ERP44: variants seen among roughly 807,000 people sequenced by gnomAD.
ERP44 encodes endoplasmic reticulum protein 44.
ERP44 carries 25 observed loss-of-function variants against 53.4 expected under a neutral mutation model. That is an observed-to-expected ratio of 0.47 (90% confidence interval 0.34 to 0.65). The LOEUF (loss-of-function observed/expected upper bound fraction) is 0.65. Among genes scored for constraint, ERP44 ranks in the 30% least tolerant of loss-of-function variants. The pLI, the probability that ERP44 is intolerant of heterozygous loss-of-function variation, is 0.01. For synonymous variants in ERP44, 145 were observed against 161.2 expected, an observed-to-expected ratio of 0.90 and a Z score of 0.76; for missense variants, 338 against 493.2, an observed-to-expected ratio of 0.69 and a Z score of 2.98.
At chr9:99,994,920 C>G (rs1830295121) in intron 10 of ERP44, among the ~76,000 whole-genome samples, 1 of 152,190 alleles carries the variant, frequency 6.6e-6, no homozygotes. Flanking sequence ...TGACTGGGAT[C>G]ACATTAAATT....
intron 5 of ERP44, 90 bp downstream of exon 5, chr9:100,021,952 T>G (rs1008194714): frequency 1.1e-5 from 13 of 1,160,750 alleles, no homozygotes; most frequent in Admixed American, 2.0e-5. Context: ...CAATAGACTA[T>G]AGGAGAATGT....
rs372700435 is a variant in ERP44, at chr9:100,065,999, C to T, written c.58-5827G>A. On this transcript the variant is annotated intron_variant, in intron 1 of 11. Coordinates refer to ENST00000262455, the MANE Select transcript of ERP44 (RefSeq NM_015051.3). ...TAAAGTGTGGTCTCTGAAACTGCCA[C>T]GCTGGTATCACCTAGGAGCTTGTGA... 7.5e-4 allele frequency among the ~76,000 whole-genome samples: 114 copies of T among 152,274 alleles called. 1 individual carries two copies. In the Middle Eastern group the frequency reaches 0.024, roughly 32 times the overall value.
intron 10 of ERP44, among the ~76,000 whole-genome samples, chr9:99,995,680 ATGT>A (rs1830302609): frequency 6.6e-6 from 1 of 152,144 alleles, no homozygotes; most frequent in African/African-American, 2.4e-5. Flanking sequence ...TAGTTCATTC[ATGT>A]TGTTACAAAT....
chr9:100,043,477 T>C (rs1167302035), intron 4 of ERP44, among the ~76,000 whole-genome samples: 5 of 150,926 alleles, frequency 3.3e-5, no homozygotes, highest in Admixed American at 2.0e-4. Context: ...TCTTTTGGCC[T>C]GGCGCAGTGG....
intron 1 of ERP44, among the ~76,000 whole-genome samples, chr9:100,074,782 TGTC>T (rs770048235): frequency 3.9e-5 from 6 of 152,200 alleles, no homozygotes; most frequent in Non-Finnish European, 7.3e-5. Context: ...GGACCCAAAA[TGTC>T]ATCGTGGTCC....
chr9:100,060,660 T>G (rs2118717770), intron 1 of ERP44, among the ~76,000 whole-genome samples: 1 of 152,312 alleles, frequency 6.6e-6, no homozygotes, highest in Admixed American at 6.5e-5. Flanking sequence ...TTTCACTTAT[T>G]GGTGACAACA....
chr9:100,094,670 A>T (rs537216733), intron 1 of ERP44, among the ~76,000 whole-genome samples: 25 of 151,966 alleles, frequency 1.6e-4, no homozygotes, highest in South Asian at 4.2e-4. Flanking sequence ...AAAAAAAATT[A>T]AAAAAAAATT....
chr9:99,993,574 G>C (rs1016846997), intron 10 of ERP44, among the ~76,000 whole-genome samples: 3 of 152,204 alleles, frequency 2.0e-5, no homozygotes, highest in Non-Finnish European at 2.9e-5. Flanking sequence ...AGAAAACCTA[G>C]GCAATACCAT....
At chr9:100,053,030 A>G (rs1380664141) in intron 3 of ERP44, among the ~76,000 whole-genome samples, 1 of 152,056 alleles carries the variant, frequency 6.6e-6, no homozygotes, top group Non-Finnish European at 1.5e-5. Context: ...CAATCCTCCC[A>G]CCTCAAAATA....
At chr9:100,092,276 G>A (rs7859890) in intron 1 of ERP44, among the ~76,000 whole-genome samples, 2,604 of 152,318 alleles carry the variant, frequency 0.017, 81 homozygotes, top group African/African-American at 0.06. Context: ...ACAAAAGCAT[G>A]CTAAGCATGC....
chr9:100,068,535 C>A (rs1165730012), intron 1 of ERP44, among the ~76,000 whole-genome samples: 1 of 134,738 alleles, frequency 7.4e-6, no homozygotes, highest in South Asian at 2.4e-4. Context: ...TTCAGCCCCC[C>A]GCCCGGCCAG....
chr9:100,018,269 T>C lies in ERP44; in HGVS notation c.632A>G (p.Tyr211Cys). ...ATAGCAACTTACCCCTGGTGGTTTGTAGATTATGTTGTCGCCACTATATCT... is the reference window on the plus strand; with the variant it reads ...ATAGCAACTTACCCCTGGTGGTTTGCAGATTATGTTGTCGCCACTATATCT... ...PERYSGDNIIYKPPGHSAPDM... is the reference protein window; with the variant it reads ...PERYSGDNIICKPPGHSAPDM... Residue 211 changes from tyrosine (Y) to cysteine (C), a missense_variant, in exon 7 of 12, where the codon TAC (tyrosine) becomes TGC (cysteine). Around this residue, in one of 3 missense-constraint regions of ERP44, gnomAD observed 224 missense variants for 301.4 expected, o/e 0.74. Coordinates refer to ENST00000262455, the MANE Select transcript of ERP44 (RefSeq NM_015051.3). 6.2e-7 allele frequency: 1 copy of C among 1,602,992 alleles called. No homozygotes were observed. Among genetic ancestry groups the C allele is most frequent in the Non-Finnish European group, 8.5e-7 (1 of 1,170,024 alleles).
intron 7 of ERP44, among the ~76,000 whole-genome samples, chr9:100,017,082 A>G (rs572170468): frequency 6.6e-6 from 1 of 152,380 alleles, no homozygotes; most frequent in East Asian, 1.9e-4. Context: ...GATGTAAGGC[A>G]CGACTATTTC....
chr9:100,090,474 C>T (rs540643085), intron 1 of ERP44, among the ~76,000 whole-genome samples: 1 of 152,310 alleles, frequency 6.6e-6, no homozygotes, highest in Admixed American at 6.5e-5. Context: ...ACAGGCCTGG[C>T]ACAGTGGCTC....
intron 3 of ERP44, among the ~76,000 whole-genome samples, chr9:100,053,555 C>T (rs1826058724): frequency 6.6e-6 from 1 of 152,166 alleles, no homozygotes; most frequent in Admixed American, 6.5e-5. Flanking sequence ...ATACAGCCTC[C>T]TACTGCTCCT....
At chr9:100,061,539 T>C (rs990301902) in intron 1 of ERP44, among the ~76,000 whole-genome samples, 2 of 142,900 alleles carry the variant, frequency 1.4e-5, no homozygotes, top group African/African-American at 5.5e-5. Context: ...TATATATTTA[T>C]AGAAACGTAT....
intron 4 of ERP44, among the ~76,000 whole-genome samples, chr9:100,046,260 G>A (rs1172663830): frequency 6.6e-6 from 1 of 151,998 alleles, no homozygotes; most frequent in Admixed American, 6.6e-5. Flanking sequence ...AATGAAGACT[G>A]AGAAACAAAT....
intron 1 of ERP44, among the ~76,000 whole-genome samples, chr9:100,087,436 C>CA (rs1385534078): frequency 6.6e-6 from 1 of 151,530 alleles, no homozygotes; most frequent in Non-Finnish European, 1.5e-5. Flanking sequence ...TTGAAAGTTT[C>CA]AAAAAAAGGG....
rs1176280530 is a variant in ERP44, at chr9:99,980,282, G to C, written c.*2330C>G. ...TAGGGCAGAAATAATGCTTTATTCAGCTTTACATCTTTCATCATATACTAC... is the reference window on the plus strand; with the variant it reads ...TAGGGCAGAAATAATGCTTTATTCACCTTTACATCTTTCATCATATACTAC... On this transcript the variant is annotated 3_prime_UTR_variant, in exon 12 of 12. Coordinates refer to ENST00000262455, the MANE Select transcript of ERP44 (RefSeq NM_015051.3). 2 of 382,338 alleles carry C rather than the reference G, an allele frequency of 5.2e-6. No individual in the cohort carries two copies. 23.7% of individuals were successfully genotyped at this position (382,338 alleles called of 1,614,324 possible). A position where few individuals can be genotyped will look rare whatever the true frequency, so the allele number is the denominator to read the frequency against.
Sources: gnomAD v4.1 joint callset for allele counts (sites outside exome capture counted in the v4.1 genomes callset) on GRCh38, gnomAD v4.1.1 for gene constraint, gnomAD v4.1.1 regional missense constraint, MANE v1.5 for transcripts, NCBI Gene and HGNC (gene_info 2026-07-23, HGNC 2026-07-21) for gene names.